Variants in BOC observed in about 807,000 individuals in gnomAD.
BOC encodes BOC cell adhesion associated, oncogene regulated, also known as brother of CDO.
In BOC, 76 loss-of-function variants were observed where a neutral mutation model predicts 112.0. The ratio of observed to expected loss-of-function variants is 0.68; its 90% confidence interval spans 0.56 to 0.82. The LOEUF is 0.82. Ranked by LOEUF, BOC falls within the 40% of genes least tolerant of loss-of-function variation. The pLI is 0.00. For missense variants in BOC, 1,309 were observed against 1,511.7 expected, an observed-to-expected ratio of 0.87 and a Z score of 2.22; for synonymous variants, 580 against 599.8, an observed-to-expected ratio of 0.97 and a Z score of 0.48.
chr3:113,284,693 A>G (rs1199204247), intron 17 of BOC, 89 bp from the exon 18 acceptor site: 6 of 1,524,338 alleles, frequency 3.9e-6, no homozygotes, highest in Non-Finnish European at 5.5e-6. Flanking sequence ...TTCTTTAGTC[A>G]GGAGCAGATG....
chr3:113,239,166 TG>T (rs1255920552), intron 2 of BOC, among the ~76,000 whole-genome samples: 1 of 152,272 alleles, frequency 6.6e-6, no homozygotes, highest in African/African-American at 2.4e-5. Flanking sequence ...TTATAAATTT[TG>T]GATATATCAT....
Position 113,284,505 on chromosome 3 carries a change from T to C in BOC, c.2827T>C (p.Ser943Pro), listed in dbSNP as rs2107754067. 1 of 1,614,048 alleles carries C rather than the reference T, an allele frequency of 6.2e-7. No homozygotes were observed. Among genetic ancestry groups the C allele is most frequent in the East Asian group, 2.2e-5 (1 of 44,872 alleles). ...GATCCACATGAATAGGGGCTGCCCC[T>C]CGGCTGCAGTGGGCTACCCGGGCAT... ...NGIHMNRGCPSAAVGYPGMKP... is the reference protein window; with the variant it reads ...NGIHMNRGCPPAAVGYPGMKP... Residue 943 changes from serine (S) to proline (P), a missense_variant, in exon 17 of 20, where the codon TCG becomes CCG. Coordinates refer to ENST00000682979, the MANE Select transcript of BOC (RefSeq NM_001378074.1).
intron 2 of BOC, among the ~76,000 whole-genome samples, chr3:113,227,731 A>C (rs1235276174): frequency 6.6e-6 from 1 of 152,186 alleles, no homozygotes; most frequent in Non-Finnish European, 1.5e-5. Flanking sequence ...ACTGAAAACA[A>C]GTGTTTTATT....
chr3:113,239,545 G>T (rs902846104), intron 2 of BOC, among the ~76,000 whole-genome samples: 1 of 152,194 alleles, frequency 6.6e-6, no homozygotes, highest in East Asian at 1.9e-4. Context: ...GGCCATTCAG[G>T]CTCCTTCCAT....
At chr3:113,284,619 G>A (rs41271353) in intron 17 of BOC, 52 bp downstream of exon 17, 59,678 of 1,570,628 alleles carry the variant, frequency 0.038, 1,525 homozygotes, top group East Asian at 0.1. Flanking sequence ...AGGAGGGAGT[G>A]GCTGGGCTGC....
chr3:113,280,725 GA>G, intron 14 of BOC, 62 bp downstream of exon 14: 2 of 1,355,236 alleles, frequency 1.5e-6, no homozygotes, highest in South Asian at 2.4e-5. Flanking sequence ...TGGCATGGGG[GA>G]CAAGGTATTG....
At chr3:113,229,531 C>A (rs1453031478) in intron 2 of BOC, among the ~76,000 whole-genome samples, 1 of 152,190 alleles carries the variant, frequency 6.6e-6, no homozygotes, top group African/African-American at 2.4e-5. Context: ...ACTGTAGAGG[C>A]CGCCTTGGCC....
At chr3:113,256,631 CTG>C (rs1946254648) in intron 4 of BOC, among the ~76,000 whole-genome samples, 1 of 152,196 alleles carries the variant, frequency 6.6e-6, no homozygotes, top group Non-Finnish European at 1.5e-5. Context: ...TAGGTTCTGA[CTG>C]TGAACTAGAA....
intron 4 of BOC, among the ~76,000 whole-genome samples, chr3:113,253,271 A>G (rs1945851913): frequency 6.6e-6 from 1 of 152,148 alleles, no homozygotes; most frequent in African/African-American, 2.4e-5. Flanking sequence ...TTGAGTATAA[A>G]ATGCATACCA....
At chr3:113,227,539 C>G (rs1341338623) in intron 2 of BOC, among the ~76,000 whole-genome samples, 1 of 152,164 alleles carries the variant, frequency 6.6e-6, no homozygotes, top group Admixed American at 6.5e-5. Flanking sequence ...AGGAGTAGGG[C>G]TCCCTCTTTG....
At chr3:113,220,964 G>A (rs374212696) in intron 2 of BOC, among the ~76,000 whole-genome samples, 75 of 152,316 alleles carry the variant, frequency 4.9e-4, no homozygotes, top group African/African-American at 1.8e-3. Context: ...TGCTGGGAAA[G>A]ATGGCTGTGT....
intron 2 of BOC, among the ~76,000 whole-genome samples, chr3:113,216,700 C>G (rs1175578893): frequency 6.6e-6 from 1 of 152,176 alleles, no homozygotes; most frequent in Non-Finnish European, 1.5e-5. Flanking sequence ...TTCTTCCCAT[C>G]TTCTGAAATA....
Position 113,274,464 on chromosome 3 carries a change from C to A in BOC, c.1324C>A (p.Leu442Met), listed in dbSNP as rs1948457431. The A allele has an allele frequency of 1.9e-6, 3 of 1,611,200 alleles. No homozygotes were observed. The highest frequency in any genetic ancestry group is 1.7e-6 in the Non-Finnish European group (2 of 1,178,182). The change falls in exon 9 of 20, where the codon CTG (leucine) becomes ATG (methionine). Residue 442 changes from leucine to methionine, a missense_variant. Leu to Met is a conservative substitution (Grantham distance 15). Transcript: ENST00000682979. This position sits in a 1 kb window ranked among gnomAD's most constrained non-coding sequence, Gnocchi z 4.8. ...CAAACTCGGCAACCCTGAGCAGATGCTGAGGGGGCAACCGGCGCTCCCCAG... is the reference window on the plus strand; with the variant it reads ...CAAACTCGGCAACCCTGAGCAGATGATGAGGGGGCAACCGGCGCTCCCCAG... ...PSKLGNPEQMLRGQPALPRPP... is the reference protein window; with the variant it reads ...PSKLGNPEQMMRGQPALPRPP...
At chr3:113,280,712 C>T (rs374282616) in intron 14 of BOC, 49 bp downstream of exon 14, 80 of 1,434,688 alleles carry the variant, frequency 5.6e-5, no homozygotes, top group South Asian at 4.8e-4. Flanking sequence ...TAGTTTCCTC[C>T]GCTGGCATGG....
At chr3:113,240,150 G>C (rs1343807868) in intron 2 of BOC, among the ~76,000 whole-genome samples, 2 of 152,156 alleles carry the variant, frequency 1.3e-5, no homozygotes, top group Non-Finnish European at 2.9e-5. Context: ...CAAAATTGTT[G>C]GGATATATGG....
chr3:113,284,660 A>G, intron 17 of BOC, 93 bp downstream of exon 17: 1 of 1,521,924 alleles, frequency 6.6e-7, no homozygotes, highest in Non-Finnish European at 9.1e-7. Context: ...CTAGGGTCTC[A>G]GGCTGGGCTG....
intron 4 of BOC, among the ~76,000 whole-genome samples, chr3:113,261,256 G>C (rs1056480118): frequency 4.6e-5 from 7 of 152,126 alleles, no homozygotes; most frequent in Non-Finnish European, 1.0e-4. Flanking sequence ...CCAGGATCCA[G>C]CTCTGGCTCT....
In BOC at chr3:113,272,559, G is replaced by A. The variant is rs755622422; in HGVS notation, c.817G>A (p.Gly273Ser). ...TWAKDGSSVTGYNKTRFLLSN... is the reference protein window; with the variant it reads ...TWAKDGSSVTSYNKTRFLLSN... The stretch of plus-strand genomic sequence containing the variant: ...GGCCAAGGATGGGTCCAGTGTCACC[G>A]GCTACAACAAGACGCGCTTCCTGCT... The change falls in exon 7 of 20, where the codon GGC becomes AGC. Residue 273 changes from glycine to serine, a missense_variant. Gly to Ser is a moderately conservative substitution (Grantham distance 56, BLOSUM62 0). Coordinates refer to ENST00000682979, the MANE Select transcript of BOC (RefSeq NM_001378074.1). 20 of 1,613,880 alleles carry A rather than the reference G, an allele frequency of 1.2e-5. No homozygotes were observed. The highest frequency in any genetic ancestry group is 3.3e-5 in the Admixed American group (2 of 59,998).
intron 2 of BOC, among the ~76,000 whole-genome samples, chr3:113,229,365 A>G (rs1942222197): frequency 6.6e-6 from 1 of 152,194 alleles, no homozygotes; most frequent in East Asian, 1.9e-4. Flanking sequence ...TCAGGCTTTG[A>G]TGTCCAAACG....
Sources: gnomAD v4.1 joint callset for allele counts (sites outside exome capture counted in the v4.1 genomes callset) on GRCh38, gnomAD v4.1.1 for gene constraint, Gnocchi (gnomAD v3.1) non-coding constraint, MANE v1.5 for transcripts, NCBI Gene and HGNC (gene_info 2026-07-23, HGNC 2026-07-21) for gene names.